LDLRAD4: variants seen among roughly 807,000 people sequenced by gnomAD.
The protein encoded by LDLRAD4 is low-density lipoprotein receptor class A domain-containing protein 4.
LDLRAD4 carries 5 observed loss-of-function variants against 17.0 expected under a neutral mutation model. The observed-to-expected ratio is 0.29, with a 90% CI of 0.15 to 0.62. The LOEUF (loss-of-function observed/expected upper bound fraction) is 0.62, where lower values mean the gene tolerates loss of function less well. LDLRAD4 is among the 20% of genes least tolerant of loss of function. The probability of loss-of-function intolerance (pLI) is 0.84; values close to 1 mark genes in which losing one functional copy is unlikely to be tolerated. For synonymous variants in LDLRAD4, 168 were observed against 171.8 expected (o/e 0.98, Z 0.17); for missense variants, 340 against 424.7 (o/e 0.80, Z 1.75).
chr18:13,539,218 A>G (rs907275528), intron 3 of LDLRAD4, among the ~76,000 whole-genome samples: 4 of 152,126 alleles, frequency 2.6e-5, no homozygotes, highest in Admixed American at 1.3e-4. Flanking sequence ...CTGGGGAGAC[A>G]TGGGGTCCAG....
chr18:13,228,576 G>GT (rs1331730447), intron 1 of LDLRAD4, among the ~76,000 whole-genome samples: 2 of 152,158 alleles, frequency 1.3e-5, no homozygotes, highest in African/African-American at 2.4e-5. Context: ...GGTTGGCTCG[G>GT]TTGAACATTT....
chr18:13,602,844 A>G (rs1033728491), intron 3 of LDLRAD4, among the ~76,000 whole-genome samples: 1 of 152,226 alleles, frequency 6.6e-6, no homozygotes, highest in Non-Finnish European at 1.5e-5. Context: ...ACAAATAAGT[A>G]AAATATTGAA....
intron 3 of LDLRAD4, among the ~76,000 whole-genome samples, chr18:13,602,967 A>T (rs1246366629): frequency 6.6e-6 from 1 of 152,200 alleles, no homozygotes; most frequent in Non-Finnish European, 1.5e-5. Flanking sequence ...TCAGTCAGAA[A>T]GAAAAGAAAG....
chr18:13,290,171 C>T (rs1345420117), intron 1 of LDLRAD4, among the ~76,000 whole-genome samples: 1 of 152,218 alleles, frequency 6.6e-6, no homozygotes, highest in African/African-American at 2.4e-5. Context: ...TGGTTATTGT[C>T]AAACTAGATG....
At chr18:13,363,924 G>A (rs2083870963) in intron 1 of LDLRAD4, among the ~76,000 whole-genome samples, 1 of 152,128 alleles carries the variant, frequency 6.6e-6, no homozygotes, top group Non-Finnish European at 1.5e-5. Flanking sequence ...TCTAAATAAT[G>A]CCATGTACTA....
intron 1 of LDLRAD4, among the ~76,000 whole-genome samples, chr18:13,320,939 C>T (rs1371014017): frequency 6.6e-6 from 1 of 152,198 alleles, no homozygotes; most frequent in African/African-American, 2.4e-5. Flanking sequence ...CATAACAAGC[C>T]ACGCCTGTGT....
intron 3 of LDLRAD4, among the ~76,000 whole-genome samples, chr18:13,558,138 G>A (rs988232654): frequency 6.6e-6 from 1 of 152,194 alleles, no homozygotes; most frequent in African/African-American, 2.4e-5. Context: ...CACAACTTGT[G>A]TGTTTATCCA....
At chr18:13,292,163 G>A (rs547413190) in intron 1 of LDLRAD4, among the ~76,000 whole-genome samples, 2 of 152,156 alleles carry the variant, frequency 1.3e-5, no homozygotes, top group South Asian at 4.1e-4. Context: ...GGAGATAATG[G>A]TAGAGCATGT....
chr18:13,527,160 A>G lies in LDLRAD4; in HGVS notation c.181+88776A>G, dbSNP rs1045737806. Among the ~76,000 whole-genome samples, 4 of 152,256 alleles carry G rather than the reference A, an allele frequency of 2.6e-5. No homozygotes were observed. In the South Asian group the frequency reaches 6.2e-4, roughly 24 times the overall value. ...TAAGTTTCGTGCTTTTACTCAGCTCATTGGAGAAGGCTGTGAGGCAGAGAA... is the reference window on the plus strand; with the variant it reads ...TAAGTTTCGTGCTTTTACTCAGCTCGTTGGAGAAGGCTGTGAGGCAGAGAA... On this transcript the variant is annotated intron_variant, in intron 3 of 5. Transcript: ENST00000359446.
intron 1 of LDLRAD4, among the ~76,000 whole-genome samples, chr18:13,279,085 T>C (rs969759756): frequency 1.3e-5 from 2 of 152,162 alleles, no homozygotes; most frequent in Non-Finnish European, 2.9e-5. Context: ...TGGGGGCAGC[T>C]CCTCCACTGC....
intron 1 of LDLRAD4, among the ~76,000 whole-genome samples, chr18:13,309,361 G>A (rs1377813): frequency 0.019 from 2,957 of 152,282 alleles, 56 homozygotes; most frequent in Non-Finnish European, 0.026. Flanking sequence ...GACTTCGCCG[G>A]TGAAAAGCAA....
chr18:13,508,016 A>T (rs1568274092), intron 3 of LDLRAD4, among the ~76,000 whole-genome samples: 1 of 150,060 alleles, frequency 6.7e-6, no homozygotes, highest in Non-Finnish European at 1.5e-5. Context: ...GAAGGAAATT[A>T]AAAGTGCTAC....
intron 3 of LDLRAD4, among the ~76,000 whole-genome samples, chr18:13,545,163 G>A (rs765157246): frequency 6.6e-6 from 1 of 151,974 alleles, no homozygotes; most frequent in Non-Finnish European, 1.5e-5. Context: ...GGGATCTCTG[G>A]GATGCTGCTG....
chr18:13,306,323 C>T (rs376062434), intron 1 of LDLRAD4, among the ~76,000 whole-genome samples: 3 of 152,202 alleles, frequency 2.0e-5, no homozygotes, highest in African/African-American at 7.2e-5. Context: ...AAGGCCTGGA[C>T]AGTGAGAACT....
chr18:13,580,441 T>C (rs2094840370), intron 3 of LDLRAD4, among the ~76,000 whole-genome samples: 1 of 152,256 alleles, frequency 6.6e-6, no homozygotes, highest in South Asian at 2.1e-4. Context: ...AGCCAGAGGA[T>C]GGGCCCCAGA....
chr18:13,478,106 C>T (rs1411754966), intron 3 of LDLRAD4, among the ~76,000 whole-genome samples: 1 of 152,214 alleles, frequency 6.6e-6, no homozygotes, highest in Non-Finnish European at 1.5e-5. Flanking sequence ...TCCATCCTCC[C>T]CTCCTCACGG....
intron 3 of LDLRAD4, chr18:13,612,652 G>T: frequency 6.2e-7 from 1 of 1,612,570 alleles, no homozygotes; most frequent in South Asian, 1.1e-5. Context: ...GGGATGCTTT[G>T]AACGTGGGGG....
chr18:13,509,468 G>C (rs144026119), intron 3 of LDLRAD4, among the ~76,000 whole-genome samples: 13 of 152,348 alleles, frequency 8.5e-5, no homozygotes, highest in African/African-American at 2.9e-4. Flanking sequence ...CTGAAGATGT[G>C]ACTGAATTGC....
At chr18:13,281,525 G>C (rs1965434235) in intron 1 of LDLRAD4, among the ~76,000 whole-genome samples, 1 of 152,240 alleles carries the variant, frequency 6.6e-6, no homozygotes, top group African/African-American at 2.4e-5. Context: ...CAGCCTTGAA[G>C]GTGGTTCCTG....
Sources: allele counts gnomAD v4.1 joint callset (sites outside exome capture counted in the v4.1 genomes callset), GRCh38; gene constraint gnomAD v4.1.1; transcripts MANE v1.5; gene names NCBI Gene and HGNC (gene_info 2026-07-23, HGNC 2026-07-21).